The following KIRREL3 variants were observed in gnomAD, a reference collection of about 807,000 sequenced individuals.
KIRREL3 encodes the protein kirre like nephrin family adhesion molecule 3.
Under a neutral mutation model 89.7 loss-of-function variants are expected in KIRREL3, and 36 were observed. That is an observed-to-expected ratio of 0.40 (90% CI 0.31 to 0.53). KIRREL3 has a LOEUF of 0.53. Among genes scored for constraint, KIRREL3 ranks in the 20% least tolerant of loss-of-function variants. KIRREL3 has a pLI of 0.49. For missense variants in KIRREL3, 864 were observed against 1,056.6 expected (o/e 0.82, Z 2.53); for synonymous variants, 445 against 441.4 (o/e 1.01, Z -0.10).
chr11:126,538,658 G>T (rs621479), intron 2 of KIRREL3, among the ~76,000 whole-genome samples: 92,900 of 151,838 alleles, frequency 0.61, 29,036 homozygotes, highest in East Asian at 0.94. Flanking sequence ...ACTGACTGAC[G>T]GATAAAAATG....
Position 126,953,038 on chromosome 11 carries a change from G to A in KIRREL3, c.55+47417C>T, listed in dbSNP as rs1313232956. ...ACTATGAAGACACATGCACATGTAT[G>A]TTTATTGCAGCACTGTTCACAATAA... On this transcript the variant is annotated intron_variant, in intron 1 of 16. Coordinates refer to ENST00000525144, the MANE Select transcript of KIRREL3 (RefSeq NM_032531.4). This position sits in a 1 kb window ranked among gnomAD's most constrained non-coding sequence, Gnocchi z 5.2. Among the ~76,000 whole-genome samples the A allele has an allele frequency of 6.6e-6, 1 of 152,216 alleles. No homozygotes were observed. Among genetic ancestry groups the A allele is most frequent in the Non-Finnish European group, 1.5e-5 (1 of 68,036 alleles).
Position 126,739,265 on chromosome 11 carries a change from T to G in KIRREL3, c.56-176353A>C, listed in dbSNP as rs893992654. Among the ~76,000 whole-genome samples the G allele has an allele frequency of 6.6e-6, 1 of 152,252 alleles. No individual in the cohort carries two copies. The highest frequency in any genetic ancestry group is 1.5e-5 in the Non-Finnish European group (1 of 68,050). On this transcript the variant is annotated intron_variant, in intron 1 of 16. Coordinates refer to ENST00000525144, the MANE Select transcript of KIRREL3 (RefSeq NM_032531.4). The surrounding 1 kb of genome is among the most constrained non-coding windows in gnomAD (Gnocchi z 5.5). ...TTGCCCACAGAGCATTAGGTGATACTTATAGTATTAATTCGACTGCCTTTT... is the reference window on the plus strand; with the variant it reads ...TTGCCCACAGAGCATTAGGTGATACGTATAGTATTAATTCGACTGCCTTTT...
chr11:126,728,737 G>T (rs538923101), intron 1 of KIRREL3, among the ~76,000 whole-genome samples: 1 of 152,306 alleles, frequency 6.6e-6, no homozygotes, highest in East Asian at 1.9e-4. Context: ...TAAGCGGGAG[G>T]ATTCAGTTCA....
rs1196315107 is a variant in KIRREL3 at position 126,704,053 on chromosome 11, T to C, written c.56-141141A>G. On this transcript the variant is annotated intron_variant, in intron 1 of 16. Coordinates refer to ENST00000525144, the MANE Select transcript of KIRREL3 (RefSeq NM_032531.4). This position sits in a 1 kb window ranked among gnomAD's most constrained non-coding sequence, Gnocchi z 4.2. Reference sequence around the variant, plus strand: ...AATCATTCCCCCCTTCTCTTATTTATATACACTCACACAATTAGATATAAC... The same window carrying C: ...AATCATTCCCCCCTTCTCTTATTTACATACACTCACACAATTAGATATAAC... Among the ~76,000 whole-genome samples the C allele has an allele frequency of 6.6e-6, 1 of 152,220 alleles. No individual in the cohort carries two copies. The highest frequency in any genetic ancestry group is 1.5e-5 in the Non-Finnish European group (1 of 68,036).
chr11:126,925,844 GTCC>G (rs534045312), intron 1 of KIRREL3, among the ~76,000 whole-genome samples: 204 of 152,312 alleles, frequency 1.3e-3, no homozygotes, highest in African/African-American at 4.6e-3. Flanking sequence ...GCCACCGCAT[GTCC>G]CCAGGCACTC....
chr11:126,674,351 T>A (rs1160251935), intron 1 of KIRREL3, among the ~76,000 whole-genome samples: 1 of 152,230 alleles, frequency 6.6e-6, no homozygotes, highest in Non-Finnish European at 1.5e-5. Flanking sequence ...GCACCTGCTA[T>A]GTGCCAGACC....
intron 4 of KIRREL3, among the ~76,000 whole-genome samples, chr11:126,493,029 T>C (rs755471): frequency 0.019 from 2,945 of 152,292 alleles, 103 homozygotes; most frequent in African/African-American, 0.067. Context: ...GCACTGCTTG[T>C]TGCACAGCAA....
At chr11:126,470,988 T>C (rs1008508525) in intron 5 of KIRREL3, among the ~76,000 whole-genome samples, 1 of 152,168 alleles carries the variant, frequency 6.6e-6, no homozygotes, top group South Asian at 2.1e-4. Flanking sequence ...GTGGGGGCTG[T>C]TTAAAAATGT....
chr11:126,442,692 TC>T (rs1591539777), intron 10 of KIRREL3, among the ~76,000 whole-genome samples: 1 of 152,152 alleles, frequency 6.6e-6, no homozygotes, highest in Non-Finnish European at 1.5e-5. Flanking sequence ...CCACTGGGCG[TC>T]CCCCCTCCCT....
In KIRREL3 at chr11:126,803,569, CA is replaced by C. The variant is rs149208724; in HGVS notation, c.55+196885del. Reference sequence around the variant, plus strand: ...CTGTTAGTAGTGTTAATAAAATACACAAATTATAGTATTTGGCTACTGTAGA... The same window carrying C: ...CTGTTAGTAGTGTTAATAAAATACACAATTATAGTATTTGGCTACTGTAGA... On this transcript the variant is annotated intron_variant, in intron 1 of 16. Coordinates refer to ENST00000525144, the MANE Select transcript of KIRREL3 (RefSeq NM_032531.4). Among the ~76,000 whole-genome samples, 1,058 of 152,146 alleles carry C rather than the reference CA, an allele frequency of 7.0e-3. 12 individuals carry two copies. The highest frequency in any genetic ancestry group is 0.023 in the African/African-American group (968 of 41,490).
rs1241463060 is a variant in KIRREL3 at position 126,993,484 on chromosome 11, C to T, written c.55+6971G>A. On this transcript the variant is annotated intron_variant, in intron 1 of 16. Transcript: ENST00000525144. This position sits in a 1 kb window ranked among gnomAD's most constrained non-coding sequence, Gnocchi z 6.1. ...CCTATAATATCAAGCATGATGTCAT[C>T]TCCTCTGTGCAACCTTTTCTGATGC... is the stretch of plus-strand genomic sequence containing the variant. 1.3e-5 allele frequency among the ~76,000 whole-genome samples: 2 copies of T among 152,206 alleles called. No homozygotes were observed. The highest frequency in any genetic ancestry group is 4.8e-5 in the African/African-American group (2 of 41,452).
rs1335988315 is a variant in KIRREL3 at position 126,689,839 on chromosome 11, C to T, written c.56-126927G>A. Among the ~76,000 whole-genome samples the T allele has an allele frequency of 6.6e-6, 1 of 152,166 alleles. No homozygotes were observed. Among genetic ancestry groups the T allele is most frequent in the African/African-American group, 2.4e-5 (1 of 41,446 alleles). ...CATGGCTGCACAGAGAATCGGTGCC[C>T]TTGGCAGGTAAGTGAATAAATATGG... On this transcript the variant is annotated intron_variant, in intron 1 of 16. Coordinates refer to ENST00000525144, the MANE Select transcript of KIRREL3 (RefSeq NM_032531.4). The surrounding 1 kb of genome is among the most constrained non-coding windows in gnomAD (Gnocchi z 5.2).
chr11:126,599,270 C>T (rs1037743551), intron 1 of KIRREL3, among the ~76,000 whole-genome samples: 6 of 152,200 alleles, frequency 3.9e-5, no homozygotes, highest in East Asian at 1.9e-4. Flanking sequence ...CCAATTTCCA[C>T]GGCTTTTCAG....
rs184611674 is a variant in KIRREL3, at chr11:126,463,479, C to A, written c.592-172G>T. Among the ~76,000 whole-genome samples, 265 of 152,306 alleles carry A rather than the reference C, an allele frequency of 1.7e-3. No individual in the cohort carries two copies. The highest frequency in any genetic ancestry group is 6.0e-3 in the African/African-American group (251 of 41,566). The stretch of plus-strand genomic sequence containing the variant: ...TCTACGCAGAGCTCGGGGGTTACCC[C>A]CTGGCTCCCTGGCCTGGCTAAGTGC... On this transcript the variant is annotated intron_variant, in intron 5 of 16. Transcript: ENST00000525144. This position sits in a 1 kb window ranked among gnomAD's most constrained non-coding sequence, Gnocchi z 5.9.
chr11:126,551,379 G>C lies in KIRREL3; in HGVS notation c.133+11456C>G, dbSNP rs1158413206. On this transcript the variant is annotated intron_variant, in intron 2 of 16. Coordinates refer to ENST00000525144, the MANE Select transcript of KIRREL3 (RefSeq NM_032531.4). This position sits in a 1 kb window ranked among gnomAD's most constrained non-coding sequence, Gnocchi z 4.9. ...CCGGAGAGAGATCCTGTTTCCCGAG[G>C]CCTGCCCCTGAGGCCTAACACACCC... 6.6e-6 allele frequency among the ~76,000 whole-genome samples: 1 copy of C among 152,136 alleles called. No individual in the cohort carries two copies. Among genetic ancestry groups the C allele is most frequent in the Non-Finnish European group, 1.5e-5 (1 of 68,030 alleles).
In KIRREL3 at chr11:126,541,085, C is replaced by T. The variant is rs1938330406; in HGVS notation, c.134-14398G>A. Among the ~76,000 whole-genome samples, 1 of 152,178 alleles carries T rather than the reference C, an allele frequency of 6.6e-6. No homozygotes were observed. The highest frequency in any genetic ancestry group is 1.5e-5 in the Non-Finnish European group (1 of 68,026). On this transcript the variant is annotated intron_variant, in intron 2 of 16. Transcript: ENST00000525144. This position sits in a 1 kb window ranked among gnomAD's most constrained non-coding sequence, Gnocchi z 4.8. Reference sequence around the variant, plus strand: ...TACAGCAGACAGAGTGCCCATCAACCCCTCTCAGAGGGCGTCAGCGTGGGC... The same window carrying T: ...TACAGCAGACAGAGTGCCCATCAACTCCTCTCAGAGGGCGTCAGCGTGGGC...
At position 126,990,459 on chromosome 11, in the gene KIRREL3, G is replaced by T. The variant is rs1015870183; in HGVS notation, c.55+9996C>A. Among the ~76,000 whole-genome samples the T allele has an allele frequency of 5.3e-5, 8 of 151,372 alleles. No individual in the cohort carries two copies. Among genetic ancestry groups the T allele is most frequent in the African/African-American group, 1.9e-4 (8 of 41,102 alleles). ...CCCTCCCGTCCCTTCCCAGCTCCCG[G>T]CAGCCACTAGGCTTTCCCCTTCCCC... On this transcript the variant is annotated intron_variant, in intron 1 of 16. Coordinates refer to ENST00000525144, the MANE Select transcript of KIRREL3 (RefSeq NM_032531.4). This position sits in a 1 kb window ranked among gnomAD's most constrained non-coding sequence, Gnocchi z 6.3.
At chr11:126,838,523 G>C (rs1044149057) in intron 1 of KIRREL3, among the ~76,000 whole-genome samples, 15 of 152,204 alleles carry the variant, frequency 9.9e-5, no homozygotes, top group African/African-American at 3.6e-4. Flanking sequence ...AATAGTTAAT[G>C]GGTAAGAGGG....
chr11:126,495,022 A>T lies in KIRREL3; in HGVS notation c.434-21556T>A, dbSNP rs781013607. Among the ~76,000 whole-genome samples, 8 of 152,194 alleles carry T rather than the reference A, an allele frequency of 5.3e-5. No individual in the cohort carries two copies. The highest frequency in any genetic ancestry group is 1.0e-4 in the Non-Finnish European group (7 of 68,028). ...TGTCTGGAGAGGAGTGAGAGGTTCA[A>T]CCAGGGTGGCTAGGCTGTGCACTGG... is the stretch of plus-strand genomic sequence containing the variant. On this transcript the variant is annotated intron_variant, in intron 4 of 16. Transcript: ENST00000525144. This position sits in a 1 kb window ranked among gnomAD's most constrained non-coding sequence, Gnocchi z 6.5.
Sources: gnomAD v4.1 joint callset for allele counts (sites outside exome capture counted in the v4.1 genomes callset) on GRCh38, gnomAD v4.1.1 for gene constraint, Gnocchi (gnomAD v3.1) non-coding constraint, MANE v1.5 for transcripts, NCBI Gene and HGNC (gene_info 2026-07-23, HGNC 2026-07-21) for gene names.